PMEPA1: variants seen among roughly 807,000 people sequenced by gnomAD.
PMEPA1 encodes the protein protein TMEPAI.
Under a neutral mutation model 23.0 loss-of-function variants are expected in PMEPA1, and 11 were observed. The observed-to-expected ratio is 0.48, with a 90% CI of 0.30 to 0.79. The LOEUF (loss-of-function observed/expected upper bound fraction) is 0.79, where lower values mean the gene tolerates loss of function less well. PMEPA1 is among the 30% of genes least tolerant of loss of function. The probability of loss-of-function intolerance (pLI) is 0.06; values close to 1 mark genes in which losing one functional copy is unlikely to be tolerated. For synonymous variants in PMEPA1, 204 were observed against 166.4 expected (o/e 1.23, Z -1.74); for missense variants, 377 against 390.9 (o/e 0.96, Z 0.30).
At chr20:57,668,442 C>G (rs1362191933) in intron 1 of PMEPA1, among the ~76,000 whole-genome samples, 1 of 152,218 alleles carries the variant, frequency 6.6e-6, no homozygotes, top group Non-Finnish European at 1.5e-5. Context: ...CGAAAGTTAA[C>G]TTCCCGGATG....
At chr20:57,700,596 C>A (rs1294156895) in intron 1 of PMEPA1, among the ~76,000 whole-genome samples, 1 of 152,224 alleles carries the variant, frequency 6.6e-6, no homozygotes. Flanking sequence ...GTGGAGGTCA[C>A]AATCAACCTT....
rs1055798910 is a variant in PMEPA1 at position 57,648,565 on chromosome 20, G to A, written c.*3488C>T. The stretch of plus-strand genomic sequence containing the variant: ...CGTGGGTGCGCGCCCCGCATGCCAC[G>A]GAAAGCTTACATAAGTTTAACTTGA... On this transcript the variant is annotated 3_prime_UTR_variant, in exon 4 of 4. Transcript: ENST00000341744. 6.6e-6 allele frequency: 1 copy of A among 152,590 alleles called. No homozygotes were observed. Among genetic ancestry groups the A allele is most frequent in the Non-Finnish European group, 1.5e-5 (1 of 68,050 alleles). 9.5% of individuals were successfully genotyped at this position (152,590 alleles called of 1,614,324 possible).
chr20:57,673,895 C>T (rs1248043794), intron 1 of PMEPA1, among the ~76,000 whole-genome samples: 1 of 152,216 alleles, frequency 6.6e-6, no homozygotes. Context: ...CTTGTTTTCC[C>T]ACCTTCAGAC....
intron 1 of PMEPA1, among the ~76,000 whole-genome samples, chr20:57,701,231 C>A (rs1305881154): frequency 6.6e-6 from 1 of 152,166 alleles, no homozygotes; most frequent in Non-Finnish European, 1.5e-5. Flanking sequence ...TGATCACCAC[C>A]TGATACCGCC....
chr20:57,701,395 C>G (rs143490504), intron 1 of PMEPA1, among the ~76,000 whole-genome samples: 1 of 152,344 alleles, frequency 6.6e-6, no homozygotes, highest in Non-Finnish European at 1.5e-5. Context: ...CCTAGGAATT[C>G]TCCTTCTGGG....
intron 1 of PMEPA1, among the ~76,000 whole-genome samples, chr20:57,670,626 C>T (rs1433052787): frequency 6.6e-6 from 1 of 152,184 alleles, no homozygotes; most frequent in East Asian, 1.9e-4. Flanking sequence ...GGCCCCCTGC[C>T]CTATGGTCTG....
chr20:57,688,399 C>G (rs1232540087), intron 1 of PMEPA1, among the ~76,000 whole-genome samples: 1 of 152,136 alleles, frequency 6.6e-6, no homozygotes, highest in Non-Finnish European at 1.5e-5. Context: ...CATCCCTGGC[C>G]TCTACCTACT....
Position 57,652,208 on chromosome 20 carries a change from C to T in PMEPA1, c.709G>A (p.Gly237Ser), listed in dbSNP as rs1464054722. Residue 237 changes from glycine to serine, a missense_variant, in exon 4 of 4, where the codon GGC becomes AGC. Physicochemically the swap from Gly to Ser is moderately conservative, Grantham distance 56 (BLOSUM62 0). This residue lies in a region of PMEPA1 where 176 missense variants were observed against 173.0 expected (regional missense o/e 1.02). Coordinates refer to ENST00000341744, the MANE Select transcript of PMEPA1 (RefSeq NM_020182.5). The surrounding 1 kb of genome is among the most constrained non-coding windows in gnomAD (Gnocchi z 6.1). ...TGGAAGGAGGACCCCGGGTAGTGGC[C>T]GATGACCTCGCTGTAGGTGGGCGGC... ...GPPPTYSEVI[G>S]HYPGSSFQHQ... 4 of 1,609,312 alleles carry T rather than the reference C, an allele frequency of 2.5e-6. No individual in the cohort carries two copies. The highest frequency in any genetic ancestry group is 2.7e-5 in the African/African-American group (2 of 74,890).
At chr20:57,692,290 C>T (rs2071892509) in intron 1 of PMEPA1, among the ~76,000 whole-genome samples, 1 of 152,268 alleles carries the variant, frequency 6.6e-6, no homozygotes, top group African/African-American at 2.4e-5. Context: ...GGTGACCACT[C>T]ACTCCCTATG....
chr20:57,707,645 C>CTTT (rs10709084), intron 1 of PMEPA1, among the ~76,000 whole-genome samples: 4 of 137,202 alleles, frequency 2.9e-5, no homozygotes, highest in Admixed American at 7.3e-5. Context: ...AAGAACAATG[C>CTTT]TTTTTTTTTT....
At chr20:57,689,405 A>G (rs756262634) in intron 1 of PMEPA1, among the ~76,000 whole-genome samples, 51 of 152,148 alleles carry the variant, frequency 3.4e-4, no homozygotes, top group Non-Finnish European at 4.1e-4. Context: ...CCCAGGCAGA[A>G]AGGTCGGCTG....
chr20:57,686,583 G>A (rs1014751259), intron 1 of PMEPA1, among the ~76,000 whole-genome samples: 7 of 152,200 alleles, frequency 4.6e-5, no homozygotes, highest in African/African-American at 1.4e-4. Context: ...CTAAAGAGCT[G>A]TTGTGAGGAT....
chr20:57,653,214 T>C (rs985632656), intron 2 of PMEPA1, 128 bp from the exon 3 acceptor site: 4 of 777,344 alleles, frequency 5.1e-6, no homozygotes, highest in African/African-American at 1.7e-5. Flanking sequence ...CCTCTCTGCA[T>C]CGGAACCAGC....
In PMEPA1 at chr20:57,661,772, G is replaced by A. The variant is rs537770049; in HGVS notation, c.110-2075C>T. Among the ~76,000 whole-genome samples, 3 of 152,344 alleles carry A rather than the reference G, an allele frequency of 2.0e-5. No homozygotes were observed. In the East Asian group the frequency reaches 5.8e-4, roughly 29 times the overall value. ...GCCTCGCTCTCCCCAAGGCAGGAAA[G>A]CAGCCCATCCTAGGTGGGAATGTCA... On this transcript the variant is annotated intron_variant, in intron 1 of 3. Transcript: ENST00000341744.
chr20:57,691,983 C>T (rs1254421970), intron 1 of PMEPA1, among the ~76,000 whole-genome samples: 1 of 152,184 alleles, frequency 6.6e-6, no homozygotes, highest in Non-Finnish European at 1.5e-5. Flanking sequence ...CATCTCCTTC[C>T]CCGACGAGCC....
In PMEPA1 at chr20:57,682,622, C is replaced by T. The variant is rs549600818; in HGVS notation, c.110-22925G>A. Among the ~76,000 whole-genome samples, 40 of 151,938 alleles carry T rather than the reference C, an allele frequency of 2.6e-4. No individual in the cohort carries two copies. The highest frequency in any genetic ancestry group is 1.5e-3 in the South Asian group (7 of 4,816). Reference sequence around the variant, plus strand: ...ACGAGAAGGAGAGGCACAGCTGCGTCGCTGGCTGTGACCCACACTCCTCCA... The same window carrying T: ...ACGAGAAGGAGAGGCACAGCTGCGTTGCTGGCTGTGACCCACACTCCTCCA... On this transcript the variant is annotated intron_variant, in intron 1 of 3. Transcript: ENST00000341744. This position sits in a 1 kb window ranked among gnomAD's most constrained non-coding sequence, Gnocchi z 4.4.
At chr20:57,705,363 A>G (rs925400748) in intron 1 of PMEPA1, among the ~76,000 whole-genome samples, 1 of 152,268 alleles carries the variant, frequency 6.6e-6, no homozygotes, top group Middle Eastern at 3.4e-3. Flanking sequence ...TAACTCCCCT[A>G]TTGCACCACA....
chr20:57,660,443 A>C (rs2071398469), intron 1 of PMEPA1, among the ~76,000 whole-genome samples: 1 of 148,156 alleles, frequency 6.7e-6, no homozygotes, highest in Non-Finnish European at 1.5e-5. Flanking sequence ...CCCAACACGT[A>C]CCCCTAACAC....
intron 1 of PMEPA1, among the ~76,000 whole-genome samples, chr20:57,663,529 T>C (rs965937997): frequency 2.0e-5 from 3 of 152,206 alleles, no homozygotes; most frequent in Non-Finnish European, 4.4e-5. Flanking sequence ...AATTCCATCC[T>C]GGCTCCACCA....
Sources: gnomAD v4.1 joint callset for allele counts (sites outside exome capture counted in the v4.1 genomes callset) on GRCh38, gnomAD v4.1.1 for gene constraint, gnomAD v4.1.1 regional missense constraint, Gnocchi (gnomAD v3.1) non-coding constraint, MANE v1.5 for transcripts, NCBI Gene and HGNC (gene_info 2026-07-23, HGNC 2026-07-21) for gene names.